Variants in CTNNA3 observed in about 807,000 individuals in gnomAD.
CTNNA3 encodes the protein catenin alpha 3.
CTNNA3 carries 76 observed loss-of-function variants against 95.7 expected under a neutral mutation model. The ratio of observed to expected loss-of-function variants is 0.79; its 90% CI spans 0.66 to 0.96. The LOEUF is 0.96. Ranked by LOEUF, CTNNA3 falls within the 40% of genes least tolerant of loss-of-function variation. The probability of loss-of-function intolerance (pLI) is 0.00; values close to 1 mark genes in which losing one functional copy is unlikely to be tolerated. For missense variants in CTNNA3, 1,191 were observed against 1,089.8 expected (o/e 1.09, Z -1.31); for synonymous variants, 431 against 374.4 (o/e 1.15, Z -1.74).
chr10:66,845,791 A>T (rs559245957), intron 7 of CTNNA3, among the ~76,000 whole-genome samples: 1 of 150,050 alleles, frequency 6.7e-6, no homozygotes, highest in African/African-American at 2.4e-5. Context: ...ATATATATGT[A>T]TGTATATAGG....
At chr10:67,625,040 T>C (rs1843985170) in intron 2 of CTNNA3, among the ~76,000 whole-genome samples, 1 of 152,158 alleles carries the variant, frequency 6.6e-6, no homozygotes, top group African/African-American at 2.4e-5. Flanking sequence ...AGGAGCCCTA[T>C]CTCTTGGTCT....
At chr10:66,926,944 A>T (rs1169631471) in intron 7 of CTNNA3, 2 of 1,600,146 alleles carry the variant, frequency 1.2e-6, no homozygotes, top group Non-Finnish European at 1.7e-6. Flanking sequence ...TAGGCTACTG[A>T]GCGGATCAGC....
intron 5 of CTNNA3, among the ~76,000 whole-genome samples, chr10:67,350,910 G>GTGTATATATATATATATATATATA (rs146861544): frequency 2.0e-4 from 29 of 141,808 alleles, no homozygotes; most frequent in African/African-American, 7.5e-4. Flanking sequence ...AAAAGTATGT[G>GTGTATATATATATATATATATATA]TATATATATA....
At chr10:66,290,417 C>T (rs1423329329) in intron 12 of CTNNA3, among the ~76,000 whole-genome samples, 1 of 151,892 alleles carries the variant, frequency 6.6e-6, no homozygotes, top group African/African-American at 2.4e-5. Flanking sequence ...CTAAAAGGAA[C>T]CTAAGCACTT....
At chr10:66,034,254 A>G (rs1438248402) in intron 15 of CTNNA3, among the ~76,000 whole-genome samples, 1 of 152,028 alleles carries the variant, frequency 6.6e-6, no homozygotes, top group Non-Finnish European at 1.5e-5. Context: ...AAAGTGCTAA[A>G]TGACTTCATG....
At position 66,112,020 on chromosome 10, in the gene CTNNA3, C is replaced by A. The variant is rs143297936; in HGVS notation, c.1885-8771G>T. ...AACTGAAAACATAATAAGGCTGTGA[C>A]AAACATTAGGCTGGATCAAACACCT... On this transcript the variant is annotated intron_variant, in intron 13 of 17. Coordinates refer to ENST00000433211, the MANE Select transcript of CTNNA3 (RefSeq NM_013266.4). Among the ~76,000 whole-genome samples, 476 of 152,238 alleles carry A rather than the reference C, an allele frequency of 3.1e-3. 2 individuals carry two copies. The highest frequency in any genetic ancestry group is 0.01 in the African/African-American group (434 of 41,520).
At chr10:67,509,132 T>G (rs1204691986) in intron 5 of CTNNA3, among the ~76,000 whole-genome samples, 7 of 151,822 alleles carry the variant, frequency 4.6e-5, no homozygotes, top group Non-Finnish European at 1.5e-5. Flanking sequence ...TGCCTCAGCC[T>G]CCCAAAGTGC....
chr10:67,613,094 T>G (rs1373951366), intron 2 of CTNNA3, among the ~76,000 whole-genome samples: 1 of 152,208 alleles, frequency 6.6e-6, no homozygotes, highest in Non-Finnish European at 1.5e-5. Flanking sequence ...TCACTAAATT[T>G]TCATTCTCAT....
At position 65,918,709 on chromosome 10, in the gene CTNNA3, C is replaced by T. The variant is rs1162375743; in HGVS notation, c.*1621G>A. On this transcript the variant is annotated 3_prime_UTR_variant, in exon 18 of 18. Coordinates refer to ENST00000433211, the MANE Select transcript of CTNNA3 (RefSeq NM_013266.4). ...TTTACACTGAGCTCAGGCAATCCAG[C>T]TACTTGGAAGATTGAAATAATTCAT... 6.6e-6 allele frequency: 1 copy of T among 152,096 alleles called. No individual in the cohort carries two copies. The highest frequency in any genetic ancestry group is 2.4e-5 in the African/African-American group (1 of 41,414). 9.4% of individuals were successfully genotyped at this position (152,096 alleles called of 1,614,324 possible).
chr10:66,551,048 C>A (rs1167245301), intron 10 of CTNNA3, among the ~76,000 whole-genome samples: 1 of 151,294 alleles, frequency 6.6e-6, no homozygotes, highest in African/African-American at 2.4e-5. Flanking sequence ...TAACTGTTTT[C>A]TGCAATTACT....
In CTNNA3 at chr10:67,224,086, T is replaced by C. The variant is rs141947911; in HGVS notation, c.580-4216A>G. Among the ~76,000 whole-genome samples, 646 of 152,308 alleles carry C rather than the reference T, an allele frequency of 4.2e-3. 4 individuals carry two copies. Among genetic ancestry groups the C allele is most frequent in the Non-Finnish European group, 4.5e-3 (307 of 68,026 alleles). On this transcript the variant is annotated intron_variant, in intron 5 of 17. Coordinates refer to ENST00000433211, the MANE Select transcript of CTNNA3 (RefSeq NM_013266.4). ...ATCACCACACAGTTACCCTTTGCGT[T>C]TGTGTGTATGTGCTGTGAGAACATG... is the stretch of plus-strand genomic sequence containing the variant.
intron 7 of CTNNA3, among the ~76,000 whole-genome samples, chr10:66,978,552 A>AAATAAAAATAAAAAAATATATATATATAT: frequency 2.6e-5 from 1 of 37,866 alleles, no homozygotes; most frequent in Non-Finnish European, 4.8e-5. Flanking sequence ...AAAAAAAAAA[A>AAATAAAAATAAAAAAATATATATATATAT]ATATATATAT....
intron 3 of CTNNA3, among the ~76,000 whole-genome samples, chr10:67,557,150 A>G (rs1015627059): frequency 6.6e-6 from 1 of 152,198 alleles, no homozygotes; most frequent in Non-Finnish European, 1.5e-5. Flanking sequence ...CCAGGCTTCA[A>G]TGGCTAACCT....
intron 5 of CTNNA3, among the ~76,000 whole-genome samples, chr10:67,406,154 C>T (rs1383359655): frequency 6.6e-6 from 1 of 152,146 alleles, no homozygotes; most frequent in East Asian, 1.9e-4. Flanking sequence ...TGCTTGCTTC[C>T]CCTTCTGCCA....
chr10:67,362,278 G>A (rs1231489237), intron 5 of CTNNA3, among the ~76,000 whole-genome samples: 2 of 152,086 alleles, frequency 1.3e-5, no homozygotes, highest in African/African-American at 4.8e-5. Context: ...TTCAAAGCCA[G>A]CAACATCATC....
chr10:67,456,839 A>G (rs1847191471), intron 5 of CTNNA3, among the ~76,000 whole-genome samples: 1 of 152,164 alleles, frequency 6.6e-6, no homozygotes, highest in African/African-American at 2.4e-5. Flanking sequence ...GTAAAATAAA[A>G]GATGTTCACA....
intron 1 of CTNNA3, among the ~76,000 whole-genome samples, chr10:67,746,745 A>G (rs1191557507): frequency 6.6e-6 from 1 of 152,168 alleles, no homozygotes; most frequent in Non-Finnish European, 1.5e-5. Flanking sequence ...TTGGGTCCCA[A>G]CCACAGAGCT....
intron 7 of CTNNA3, among the ~76,000 whole-genome samples, chr10:66,929,864 A>G (rs1182882361): frequency 6.6e-6 from 1 of 152,198 alleles, no homozygotes; most frequent in Non-Finnish European, 1.5e-5. Context: ...TTAGAAAGAT[A>G]TATTTAGTCT....
intron 6 of CTNNA3, among the ~76,000 whole-genome samples, chr10:67,181,639 G>GT (rs1353518958): frequency 6.6e-6 from 1 of 151,794 alleles, no homozygotes; most frequent in Non-Finnish European, 1.5e-5. Context: ...TTTTATATAG[G>GT]TAGAGGTGTT....
Sources: allele counts gnomAD v4.1 joint callset (sites outside exome capture counted in the v4.1 genomes callset), GRCh38; gene constraint gnomAD v4.1.1; transcripts MANE v1.5; gene names NCBI Gene and HGNC (gene_info 2026-07-23, HGNC 2026-07-21).